The following FAHD2B variants were observed in gnomAD, a reference collection of about 807,000 sequenced individuals.
The protein encoded by FAHD2B is fumarylacetoacetate hydrolase domain containing 2B, also known as oxaloacetate tautomerase FAHD2B, mitochondrial.
FAHD2B carries 26 observed loss-of-function variants against 33.7 expected under a neutral mutation model. The ratio of observed to expected loss-of-function variants is 0.77; its 90% CI spans 0.57 to 1.07. The LOEUF is 1.07. Among genes scored for constraint, FAHD2B ranks in the 50% least tolerant of loss-of-function variants. The pLI is 0.00. For missense variants in FAHD2B, 272 were observed against 388.1 expected (o/e 0.70, Z 2.51); for synonymous variants, 108 against 150.9 (o/e 0.72, Z 2.08).
In FAHD2B at chr2:97,085,821, G is replaced by A. The variant is rs1343920998; in HGVS notation, c.563C>T (p.Ala188Val). 2.5e-6 allele frequency: 4 copies of A among 1,613,876 alleles called. No homozygotes were observed. The highest frequency in any genetic ancestry group is 2.5e-6 in the Non-Finnish European group (3 of 1,179,858). Residue 188 changes from alanine (A) to valine (V), a missense_variant, in exon 6 of 9, where the codon GCT (alanine) becomes GTT (valine). Ala to Val is a moderately conservative substitution (Grantham distance 64, BLOSUM62 0). Coordinates refer to ENST00000414820, the MANE Select transcript of FAHD2B (RefSeq NM_001320848.2). ...AMAHVAGFTV[A>V]HDVSARDWLT... is the part of the protein sequence containing the mutation. The stretch of plus-strand genomic sequence containing the variant: ...CCAGTCACGAGCACTCACGTCATGA[G>A]CCACAGTGAAGCCGGCCACGTGGGC...
At chr2:97,082,067 A>AT, downstream of FAHD2B, 1 of 1,586,924 alleles carries the variant, frequency 6.3e-7, no homozygotes, top group Non-Finnish European at 8.5e-7. Flanking sequence ...GATTTTACTG[A>AT]TAGTGACAGT....
Position 97,091,511 on chromosome 2 carries a change from T to C in FAHD2B, c.196A>G (p.Met66Val). ...NAFDPTLPKTMTQFLEQGEAT... is the reference protein window; with the variant it reads ...NAFDPTLPKTVTQFLEQGEAT... Reference sequence around the variant, plus strand: ...TCTCCCTGCTCTAGGAACTGCGTCATCGTCTTTGGGAGTGTGGGGTCAAAG... The same window carrying C: ...TCTCCCTGCTCTAGGAACTGCGTCACCGTCTTTGGGAGTGTGGGGTCAAAG... Residue 66 changes from methionine to valine, a missense_variant, in exon 3 of 9, where the codon ATG becomes GTG. Coordinates refer to ENST00000414820, the MANE Select transcript of FAHD2B (RefSeq NM_001320848.2). The C allele has an allele frequency of 6.2e-7, 1 of 1,613,318 alleles. No individual in the cohort carries two copies. Among genetic ancestry groups the C allele is most frequent in the South Asian group, 1.1e-5 (1 of 90,966 alleles).
chr2:97,086,146 T>C lies in FAHD2B; in HGVS notation c.515A>G (p.His172Arg). 6.2e-7 allele frequency: 1 copy of C among 1,613,078 alleles called. No homozygotes were observed. The highest frequency in any genetic ancestry group is 8.5e-7 in the Non-Finnish European group (1 of 1,179,696). Residue 172 changes from histidine to arginine, a missense_variant, in exon 5 of 9, where the codon CAC becomes CGC. Coordinates refer to ENST00000414820, the MANE Select transcript of FAHD2B (RefSeq NM_001320848.2). ...CCACCCTTTCCACCTCACCTTGATG[T>C]GCTTGCCTTTCTTTCCAATGACCAC... Reference protein sequence around the residue: ...LAVVIGKKGKHIKATDAMAHV... With the variant: ...LAVVIGKKGKRIKATDAMAHV...
intron 4 of FAHD2B, chr2:97,089,879 T>C (rs1341470088): frequency 5.3e-5 from 32 of 608,266 alleles, no homozygotes; most frequent in East Asian, 1.4e-4. Context: ...AATTTTTAAA[T>C]GTTTATCTCT....
intron 1 of FAHD2B, among the ~76,000 whole-genome samples, chr2:97,093,636 G>A (rs1418511131): frequency 1.1e-4 from 16 of 151,960 alleles, no homozygotes; most frequent in East Asian, 3.9e-4. Flanking sequence ...CGCCACGCCC[G>A]GCTAATTTTT....
chr2:97,090,380 G>C (rs934647940), intron 3 of FAHD2B, 55 bp from the exon 4 acceptor site: 77 of 1,469,874 alleles, frequency 5.2e-5, no homozygotes, highest in Admixed American at 1.4e-4. Flanking sequence ...GGGCAATCCC[G>C]GGCAGGCTGG....
In FAHD2B at chr2:97,083,648, C is replaced by T. The variant is rs371137703; in HGVS notation, c.*107G>A. Reference sequence around the variant, plus strand: ...CCTTCTCCCTTCTACCGAGAAGAGGCGGCTTGCAGGGCTGGCACCTGCCCA... The same window carrying T: ...CCTTCTCCCTTCTACCGAGAAGAGGTGGCTTGCAGGGCTGGCACCTGCCCA... On this transcript the variant is annotated 3_prime_UTR_variant, in exon 9 of 9. Coordinates refer to ENST00000414820, the MANE Select transcript of FAHD2B (RefSeq NM_001320848.2). 1.5e-4 allele frequency: 227 copies of T among 1,563,346 alleles called. 6 individuals are homozygous for T. The South Asian group carries it at 2.4e-3, about 16-fold the overall frequency.
At chr2:97,092,965 CAAA>C (rs748844060) in intron 1 of FAHD2B, among the ~76,000 whole-genome samples, 6 of 64,226 alleles carry the variant, frequency 9.3e-5, no homozygotes, top group Admixed American at 3.6e-4. Context: ...AGAGCGACTC[CAAA>C]AAAAAAAAAA....
At chr2:97,092,896 A>G (rs2032433444) in intron 1 of FAHD2B, among the ~76,000 whole-genome samples, 1 of 149,746 alleles carries the variant, frequency 6.7e-6, no homozygotes, top group Non-Finnish European at 1.5e-5. Flanking sequence ...TCACTTGAAC[A>G]CAGGAGGCAG....
downstream of FAHD2B, chr2:97,082,573 G>T: frequency 6.3e-7 from 1 of 1,580,634 alleles, no homozygotes. Flanking sequence ...GGGCTGCAGA[G>T]TACAGACAGT....
downstream of FAHD2B, chr2:97,082,457 G>A: frequency 1.4e-5 from 22 of 1,613,428 alleles, 2 homozygotes; most frequent in South Asian, 2.4e-4. Context: ...AGGAAGAAGG[G>A]ATCTTCGGTG....
chr2:97,082,854 G>T (rs1213736119), downstream of FAHD2B: 5 of 887,272 alleles, frequency 5.6e-6, no homozygotes, highest in African/African-American at 8.2e-5. Flanking sequence ...ACTCCACAGG[G>T]CTGGCCTGAT....
downstream of FAHD2B, among the ~76,000 whole-genome samples, chr2:97,079,349 C>G (rs1269487368): frequency 6.6e-6 from 1 of 152,134 alleles, no homozygotes; most frequent in Non-Finnish European, 1.5e-5. Flanking sequence ...AATCATCACA[C>G]TGTTTTCCAC....
chr2:97,084,985 T>G (rs1224015338), intron 6 of FAHD2B, among the ~76,000 whole-genome samples: 1 of 151,726 alleles, frequency 6.6e-6, no homozygotes, highest in Non-Finnish European at 1.5e-5. Flanking sequence ...AGAAGCCTCG[T>G]GTATCAGCCG....
At chr2:97,082,402 C>A, downstream of FAHD2B, 1 of 1,613,702 alleles carries the variant, frequency 6.2e-7, no homozygotes, top group East Asian at 2.2e-5. Flanking sequence ...TCTGCAGAGT[C>A]GGGCTACACA....
intron 5 of FAHD2B, 67 bp from the exon 6 acceptor site, chr2:97,085,928 G>A: frequency 6.2e-7 from 1 of 1,602,572 alleles, no homozygotes; most frequent in Non-Finnish European, 8.5e-7. Context: ...CCTGTGGCAA[G>A]GGATCTCAAA....
intron 4 of FAHD2B, among the ~76,000 whole-genome samples, chr2:97,087,853 G>A (rs1483452353): frequency 2.0e-5 from 3 of 152,072 alleles, no homozygotes; most frequent in East Asian, 3.8e-4. Context: ...AAATGGAAAT[G>A]CGTCTTCACA....
Position 97,084,142 on chromosome 2 carries a change from G to C in FAHD2B, c.794+27C>G, listed in dbSNP as rs898308074. The C allele has an allele frequency of 2.5e-6, 4 of 1,613,412 alleles. No homozygotes were observed. The African/African-American group carries it at 5.3e-5, about 22-fold the overall frequency. On this transcript the variant is annotated intron_variant, in intron 7 of 8. Transcript: ENST00000414820. Reference sequence around the variant, plus strand: ...CCACATGTGTGGCAGGTGGAGCGGGGCTGGCAGGACAGCCCTTGTCACTCA... The same window carrying C: ...CCACATGTGTGGCAGGTGGAGCGGGCCTGGCAGGACAGCCCTTGTCACTCA...
At chr2:97,082,628 C>G, downstream of FAHD2B, 4 of 1,551,186 alleles carry the variant, frequency 2.6e-6, no homozygotes, top group South Asian at 2.2e-5. Context: ...CTTCTTTAAA[C>G]AAGAGGAGAG....
Sources: gnomAD v4.1 joint callset for allele counts (sites outside exome capture counted in the v4.1 genomes callset) on GRCh38, gnomAD v4.1.1 for gene constraint, MANE v1.5 for transcripts, NCBI Gene and HGNC (gene_info 2026-07-23, HGNC 2026-07-21) for gene names.